TRPM3: variants seen among roughly 807,000 people sequenced by gnomAD.
The protein encoded by TRPM3 is long transient receptor potential channel 3.
TRPM3 carries 77 observed loss-of-function variants against 181.2 expected under a neutral mutation model. That is an observed-to-expected ratio of 0.42 (90% CI 0.35 to 0.51). The LOEUF is 0.51. Among genes scored for constraint, TRPM3 ranks in the 20% least tolerant of loss-of-function variants. TRPM3 has a pLI of 0.01. For synonymous variants in TRPM3, 745 were observed against 796.4 expected (o/e 0.94, Z 1.09); for missense variants, 1,759 against 2,196.7 (o/e 0.80, Z 3.98).
chr9:71,015,971 C>T (rs958076904), intron 1 of TRPM3, among the ~76,000 whole-genome samples: 14 of 151,624 alleles, frequency 9.2e-5, no homozygotes, highest in African/African-American at 2.7e-4. Context: ...CCGAGGGAGG[C>T]GGATCACGAG....
intron 1 of TRPM3, among the ~76,000 whole-genome samples, chr9:71,246,651 C>T (rs1368110925): frequency 2.0e-5 from 3 of 152,186 alleles, no homozygotes; most frequent in African/African-American, 4.8e-5. Flanking sequence ...AACTGGCATT[C>T]GCATACAATT....
chr9:70,865,337 T>C (rs968848479), intron 1 of TRPM3: 1 of 152,090 alleles, frequency 6.6e-6, no homozygotes. Flanking sequence ...ATAGTTTTCT[T>C]TACCAGCATT....
chr9:71,284,391 C>G (rs543857689), intron 1 of TRPM3, among the ~76,000 whole-genome samples: 1 of 152,260 alleles, frequency 6.6e-6, no homozygotes, highest in South Asian at 2.1e-4. Flanking sequence ...CTAAGTTTTT[C>G]TTTAAAATCA....
At chr9:71,181,628 T>C (rs2077409859) in intron 1 of TRPM3, among the ~76,000 whole-genome samples, 1 of 152,096 alleles carries the variant, frequency 6.6e-6, no homozygotes, top group Non-Finnish European at 1.5e-5. Context: ...GTAAATAATA[T>C]AATTATTACA....
rs1588292133 is a variant in TRPM3 at position 70,784,282 on chromosome 9, G to A, written c.974-3C>T. 6.4e-7 allele frequency: 1 copy of A among 1,568,800 alleles called. No homozygotes were observed. Among genetic ancestry groups the A allele is most frequent in the South Asian group, 1.2e-5 (1 of 85,106 alleles). On this transcript the variant is annotated splice_region_variant and splice_polypyrimidine_tract_variant and intron_variant, in intron 6 of 25. Coordinates refer to ENST00000677713, the MANE Select transcript of TRPM3 (RefSeq NM_001366145.2). ...CACAGGAACACCTTGACCGATTCCT[G>A]CATTAAAAAAGGAAAAGAAAAGGAA...
intron 1 of TRPM3, among the ~76,000 whole-genome samples, chr9:71,234,044 C>T (rs556676718): frequency 6.6e-6 from 1 of 152,280 alleles, no homozygotes; most frequent in East Asian, 1.9e-4. Context: ...AATTTGGGAG[C>T]AGTTTGGCTG....
At chr9:70,572,041 G>A (rs1039993309) in intron 22 of TRPM3, among the ~76,000 whole-genome samples, 21 of 152,084 alleles carry the variant, frequency 1.4e-4, no homozygotes, top group African/African-American at 3.9e-4. Flanking sequence ...GTTCCCGGAC[G>A]TCTTTGTCTT....
chr9:70,556,875 A>T (rs1189213883), intron 22 of TRPM3, among the ~76,000 whole-genome samples: 2 of 152,230 alleles, frequency 1.3e-5, no homozygotes, highest in African/African-American at 4.8e-5. Flanking sequence ...ATTACACAAG[A>T]TAATGCATGC....
At chr9:71,221,974 T>C (rs1481262126) in intron 1 of TRPM3, among the ~76,000 whole-genome samples, 1 of 152,208 alleles carries the variant, frequency 6.6e-6, no homozygotes, top group Admixed American at 6.5e-5. Context: ...ACCACTAAGA[T>C]GTGGGTTCTT....
chr9:71,240,526 T>C (rs1017484246), intron 1 of TRPM3, among the ~76,000 whole-genome samples: 12 of 152,200 alleles, frequency 7.9e-5, no homozygotes, highest in Non-Finnish European at 1.8e-4. Context: ...TAGTTTGATA[T>C]ATTTTATCCA....
At chr9:70,839,377 A>T (rs1336062848) in intron 5 of TRPM3, among the ~76,000 whole-genome samples, 1 of 152,142 alleles carries the variant, frequency 6.6e-6, no homozygotes, top group Non-Finnish European at 1.5e-5. Context: ...TTAGAAGCAC[A>T]CTCAAGGACA....
chr9:71,116,137 C>G (rs1297673870), intron 1 of TRPM3, among the ~76,000 whole-genome samples: 1 of 152,166 alleles, frequency 6.6e-6, no homozygotes, highest in African/African-American at 2.4e-5. Context: ...ATCTTCAAGT[C>G]ACTTCATGGA....
At chr9:70,640,100 A>G (rs1344948233) in intron 10 of TRPM3, among the ~76,000 whole-genome samples, 4 of 152,198 alleles carry the variant, frequency 2.6e-5, no homozygotes, top group Admixed American at 6.5e-5. Context: ...CTTTGCAAAT[A>G]GGGAGGACCT....
intron 1 of TRPM3, among the ~76,000 whole-genome samples, chr9:71,387,479 A>T (rs972608086): frequency 2.0e-5 from 3 of 152,194 alleles, no homozygotes; most frequent in Non-Finnish European, 4.4e-5. Context: ...ACATCTATAA[A>T]CTGCCTATGA....
chr9:70,972,007 A>C (rs892828583), intron 1 of TRPM3, among the ~76,000 whole-genome samples: 2 of 152,198 alleles, frequency 1.3e-5, no homozygotes, highest in Non-Finnish European at 2.9e-5. Flanking sequence ...ATAATGGTTT[A>C]GCTGCTTTGG....
At chr9:71,280,765 A>T (rs1304897681) in intron 1 of TRPM3, among the ~76,000 whole-genome samples, 2 of 152,152 alleles carry the variant, frequency 1.3e-5, no homozygotes, top group Non-Finnish European at 2.9e-5. Context: ...CTCCTCTCAC[A>T]CAAACACATA....
At chr9:71,152,160 C>G (rs187231298) in intron 1 of TRPM3, among the ~76,000 whole-genome samples, 1 of 152,112 alleles carries the variant, frequency 6.6e-6, no homozygotes, top group Non-Finnish European at 1.5e-5. Flanking sequence ...AGAATTTTAT[C>G]ACCTTCAACT....
intron 19 of TRPM3, among the ~76,000 whole-genome samples, chr9:70,606,837 A>C (rs2061254988): frequency 6.6e-6 from 1 of 150,416 alleles, no homozygotes. Flanking sequence ...TAAACTAACT[A>C]TCAAACACAA....
chr9:71,376,958 C>CA (rs1309826659), intron 1 of TRPM3, among the ~76,000 whole-genome samples: 1 of 151,934 alleles, frequency 6.6e-6, no homozygotes, highest in Non-Finnish European at 1.5e-5. Context: ...CTTTGAAATT[C>CA]AAAAAACTAT....
Sources: allele counts gnomAD v4.1 joint callset (sites outside exome capture counted in the v4.1 genomes callset), GRCh38; gene constraint gnomAD v4.1.1; transcripts MANE v1.5; gene names NCBI Gene and HGNC (gene_info 2026-07-23, HGNC 2026-07-21).